Variants in ASTN2 observed in about 807,000 individuals in gnomAD.
ASTN2 encodes the protein astrotactin-2.
A neutral mutation model predicts 139.8 loss-of-function variants in ASTN2; 54 were observed. That is an observed-to-expected ratio of 0.39 (90% confidence interval 0.31 to 0.48). The LOEUF is 0.48. Ranked by LOEUF, ASTN2 falls within the 20% of genes least tolerant of loss-of-function variation. The pLI, the probability that ASTN2 is intolerant of heterozygous loss-of-function variation, is 0.95. For missense variants in ASTN2, 1,565 were observed against 1,725.1 expected (o/e 0.91, Z 1.64); for synonymous variants, 756 against 719.5 (o/e 1.05, Z -0.81).
At chr9:116,960,107 G>T (rs1835834305) in intron 10 of ASTN2, among the ~76,000 whole-genome samples, 1 of 152,058 alleles carries the variant, frequency 6.6e-6, no homozygotes, top group Non-Finnish European at 1.5e-5. Flanking sequence ...GGTGTCTCTG[G>T]CTCACTTTGG....
In ASTN2 at chr9:116,944,586, G is replaced by A. The variant is rs965769309; in HGVS notation, c.1889+30622C>T. Among the ~76,000 whole-genome samples the A allele has an allele frequency of 5.3e-5, 8 of 150,538 alleles. No individual in the cohort carries two copies. The East Asian group carries it at 1.6e-3, about 30-fold the overall frequency. On this transcript the variant is annotated intron_variant, in intron 10 of 22. Coordinates refer to ENST00000313400, the MANE Select transcript of ASTN2 (RefSeq NM_001365068.1). ...AATCCCAGCTACTTGGGAGGCTGAG[G>A]CAGGAGAATTTCTTGAACCCAGGGG...
At chr9:116,721,876 CT>C (rs1268271353) in intron 16 of ASTN2, among the ~76,000 whole-genome samples, 2 of 152,166 alleles carry the variant, frequency 1.3e-5, no homozygotes, top group Non-Finnish European at 2.9e-5. Flanking sequence ...GTTATTCTAG[CT>C]TTTATTTTTG....
At chr9:117,054,570 T>C (rs1024277973) in intron 5 of ASTN2, among the ~76,000 whole-genome samples, 3 of 152,122 alleles carry the variant, frequency 2.0e-5, no homozygotes, top group African/African-American at 4.8e-5. Flanking sequence ...CATAGAATGA[T>C]TACCAAGAGC....
At chr9:116,747,993 G>T (rs1829293111) in intron 13 of ASTN2, among the ~76,000 whole-genome samples, 1 of 152,032 alleles carries the variant, frequency 6.6e-6, no homozygotes, top group Non-Finnish European at 1.5e-5. Context: ...GGGATCCCTT[G>T]TCCTGTCATA....
intron 17 of ASTN2, among the ~76,000 whole-genome samples, chr9:116,642,072 CA>C (rs938371782): frequency 3.0e-5 from 4 of 134,944 alleles, no homozygotes; most frequent in Non-Finnish European, 4.6e-5. Flanking sequence ...TAGTGGTTCT[CA>C]AGCTCATTTT....
chr9:116,935,401 T>C lies in ASTN2; in HGVS notation c.1889+39807A>G, dbSNP rs190071918. Among the ~76,000 whole-genome samples the C allele has an allele frequency of 6.1e-3, 929 of 152,312 alleles. 7 individuals are homozygous for C. The highest frequency in any genetic ancestry group is 0.021 in the African/African-American group (862 of 41,564). On this transcript the variant is annotated intron_variant, in intron 10 of 22. Transcript: ENST00000313400. ...CATAAAAGTAATACTGCCTACGTTA[T>C]GGGAAGGTTGTGAGAATTAAGTAAA...
intron 3 of ASTN2, among the ~76,000 whole-genome samples, chr9:117,147,465 C>CACACACACACACA (rs61232645): frequency 1.4e-5 from 2 of 143,484 alleles, no homozygotes; most frequent in African/African-American, 5.5e-5. Context: ...ACACACACAC[C>CACACACACACACA]CCCGTTATCC....
chr9:117,293,476 G>A (rs1042992553), intron 1 of ASTN2, among the ~76,000 whole-genome samples: 2 of 152,186 alleles, frequency 1.3e-5, no homozygotes, highest in Non-Finnish European at 2.9e-5. Flanking sequence ...ACATGCTTGG[G>A]CTTCCCTTGC....
At chr9:116,777,435 T>C (rs997306161) in intron 13 of ASTN2, among the ~76,000 whole-genome samples, 3 of 152,142 alleles carry the variant, frequency 2.0e-5, no homozygotes, top group African/African-American at 7.2e-5. Context: ...ACACAGATAA[T>C]GAGTTGCGGC....
intron 10 of ASTN2, among the ~76,000 whole-genome samples, chr9:116,964,259 G>A (rs56137207): frequency 0.083 from 7,656 of 92,672 alleles, 303 homozygotes; most frequent in East Asian, 0.3. Context: ...GTGTGTGTGC[G>A]CGCGCGCGCG....
intron 1 of ASTN2, among the ~76,000 whole-genome samples, chr9:117,377,471 T>C (rs1830153269): frequency 6.6e-6 from 1 of 152,158 alleles, no homozygotes; most frequent in African/African-American, 2.4e-5. Context: ...CCCATAAACG[T>C]CCCATGCATT....
At chr9:116,806,147 A>G (rs1831023428) in intron 12 of ASTN2, among the ~76,000 whole-genome samples, 1 of 152,226 alleles carries the variant, frequency 6.6e-6, no homozygotes, top group African/African-American at 2.4e-5. Context: ...TTCACAGGGA[A>G]TCATCAACTA....
intron 13 of ASTN2, among the ~76,000 whole-genome samples, chr9:116,739,368 GC>G (rs1829034291): frequency 6.6e-6 from 1 of 152,100 alleles, no homozygotes; most frequent in African/African-American, 2.4e-5. Flanking sequence ...TTGAGCCACA[GC>G]CCCCTGGGCC....
intron 11 of ASTN2, 87 bp from the exon 12 acceptor site, chr9:116,820,870 G>T: frequency 7.3e-7 from 1 of 1,373,124 alleles, no homozygotes; most frequent in Non-Finnish European, 9.9e-7. Context: ...GAAGAGACAT[G>T]TGTCAGGGCC....
At chr9:117,139,430 T>C (rs548976691) in intron 4 of ASTN2, among the ~76,000 whole-genome samples, 2 of 152,312 alleles carry the variant, frequency 1.3e-5, no homozygotes, top group South Asian at 2.1e-4. Flanking sequence ...CTCAGACCTG[T>C]CTGACTTTAA....
Position 117,155,216 on chromosome 9 carries a change from C to A in ASTN2, c.1016-13738G>T, listed in dbSNP as rs988539956. On this transcript the variant is annotated intron_variant, in intron 3 of 22. Coordinates refer to ENST00000313400, the MANE Select transcript of ASTN2 (RefSeq NM_001365068.1). ...TTCCTTGTTTTGGCCCTGGTTAAAA[C>A]TGGCTCAGCTAAATATTATAGATAA... 3.3e-5 allele frequency among the ~76,000 whole-genome samples: 5 copies of A among 152,012 alleles called. No homozygotes were observed. The East Asian group carries it at 9.7e-4, about 29-fold the overall frequency.
rs1231349040 is a variant in ASTN2 at position 116,803,045 on chromosome 9, C to T, written c.2396+2587G>A. On this transcript the variant is annotated intron_variant, in intron 13 of 22. Transcript: ENST00000313400. ...GAAACCATCGTCTTTCCTTGGAACA[C>T]TGCTTTGCAAATTAAATTTTTCTAT... Among the ~76,000 whole-genome samples the T allele has an allele frequency of 2.0e-5, 3 of 152,230 alleles. No individual in the cohort carries two copies. The East Asian group carries it at 5.8e-4, about 29-fold the overall frequency.
At chr9:117,192,353 T>C (rs1029067422) in intron 3 of ASTN2, among the ~76,000 whole-genome samples, 1 of 151,288 alleles carries the variant, frequency 6.6e-6, no homozygotes, top group Non-Finnish European at 1.5e-5. Flanking sequence ...TGCTCTGCCA[T>C]TCTACAAGTG....
intron 1 of ASTN2, among the ~76,000 whole-genome samples, chr9:117,370,480 GC>G (rs1395445471): frequency 2.0e-5 from 3 of 152,084 alleles, no homozygotes; most frequent in South Asian, 2.1e-4. Context: ...CCATGTTCTA[GC>G]CTTCTTCAAT....
Sources: gnomAD v4.1 joint callset for allele counts (sites outside exome capture counted in the v4.1 genomes callset) on GRCh38, gnomAD v4.1.1 for gene constraint, MANE v1.5 for transcripts, NCBI Gene and HGNC (gene_info 2026-07-23, HGNC 2026-07-21) for gene names.